PRKG1: variants seen among roughly 807,000 people sequenced by gnomAD.
PRKG1 encodes cGMP-dependent protein kinase 1.
A neutral mutation model predicts 88.1 loss-of-function variants in PRKG1; 35 were observed. The ratio of observed to expected loss-of-function variants is 0.40; its 90% CI spans 0.30 to 0.53. The LOEUF is 0.53. Ranked by LOEUF, PRKG1 falls within the 20% of genes least tolerant of loss-of-function variation. PRKG1 has a pLI of 0.59. For missense variants in PRKG1, 540 were observed against 839.8 expected (o/e 0.64, Z 4.41); for synonymous variants, 303 against 292.5 (o/e 1.04, Z -0.37).
chr10:51,238,616 A>C (rs1383453418), intron 2 of PRKG1, among the ~76,000 whole-genome samples: 1 of 148,776 alleles, frequency 6.7e-6, no homozygotes, highest in Non-Finnish European at 1.5e-5. Flanking sequence ...AGTCAAAATT[A>C]GCTGGGTGTG....
intron 2 of PRKG1, among the ~76,000 whole-genome samples, chr10:51,241,910 C>G (rs955626783): frequency 4.6e-5 from 7 of 151,874 alleles, no homozygotes; most frequent in South Asian, 2.1e-4. Context: ...TATTTAGAAC[C>G]CTGGATACCA....
At chr10:52,126,646 C>G (rs891381989) in intron 7 of PRKG1, among the ~76,000 whole-genome samples, 2 of 152,002 alleles carry the variant, frequency 1.3e-5, no homozygotes, top group African/African-American at 4.8e-5. Context: ...AAACACAGCT[C>G]TGTAGAAATA....
At chr10:51,763,082 G>T (rs1018821524) in intron 3 of PRKG1, among the ~76,000 whole-genome samples, 17 of 152,188 alleles carry the variant, frequency 1.1e-4, no homozygotes, top group Non-Finnish European at 2.1e-4. Flanking sequence ...TTAGGAAGAA[G>T]GTTATAATCT....
intron 3 of PRKG1, among the ~76,000 whole-genome samples, chr10:51,611,395 A>T (rs935034164): frequency 6.6e-6 from 1 of 151,804 alleles, no homozygotes; most frequent in Non-Finnish European, 1.5e-5. Context: ...GCATTTTTTC[A>T]TATGTCTGTT....
chr10:51,050,552 A>G (rs895999192), intron 1 of PRKG1, among the ~76,000 whole-genome samples: 4 of 152,116 alleles, frequency 2.6e-5, no homozygotes, highest in Admixed American at 6.5e-5. Flanking sequence ...TTCTTTACCC[A>G]TTCATCCATC....
At chr10:51,740,247 A>T (rs910335441) in intron 3 of PRKG1, among the ~76,000 whole-genome samples, 9 of 152,106 alleles carry the variant, frequency 5.9e-5, no homozygotes, top group Non-Finnish European at 1.0e-4. Context: ...GCTTGTCTCA[A>T]ATTCCTCCTG....
intron 1 of PRKG1, among the ~76,000 whole-genome samples, chr10:51,003,913 G>A (rs2132717488): frequency 6.6e-6 from 1 of 152,110 alleles, no homozygotes; most frequent in African/African-American, 2.4e-5. Flanking sequence ...TAATAGCTAT[G>A]GAATAGTAAT....
chr10:51,623,726 G>A (rs972436785), intron 3 of PRKG1, among the ~76,000 whole-genome samples: 1 of 152,114 alleles, frequency 6.6e-6, no homozygotes, highest in Non-Finnish European at 1.5e-5. Flanking sequence ...CTGGGAGTTG[G>A]TCTTGTCTAA....
At chr10:51,392,344 T>A (rs144226927) in intron 2 of PRKG1, among the ~76,000 whole-genome samples, 2 of 152,024 alleles carry the variant, frequency 1.3e-5, no homozygotes, top group East Asian at 3.9e-4. Context: ...TTAAGGAGCA[T>A]GCTGCCTTCA....
chr10:51,540,907 C>A (rs541236612), intron 3 of PRKG1, among the ~76,000 whole-genome samples: 1 of 151,994 alleles, frequency 6.6e-6, no homozygotes, highest in Non-Finnish European at 1.5e-5. Flanking sequence ...TTAGAAGAGA[C>A]GGGGTTTCAC....
intron 4 of PRKG1, among the ~76,000 whole-genome samples, chr10:51,879,720 C>T (rs1022240769): frequency 4.6e-5 from 7 of 152,210 alleles, no homozygotes; most frequent in Non-Finnish European, 7.3e-5. Flanking sequence ...CAGAGCTTAT[C>T]TTTCCTCCTG....
At chr10:51,684,692 C>G (rs1402792292) in intron 3 of PRKG1, among the ~76,000 whole-genome samples, 1 of 151,802 alleles carries the variant, frequency 6.6e-6, no homozygotes, top group African/African-American at 2.4e-5. Context: ...ATGGCAAAAC[C>G]CTGTCTCCAC....
chr10:51,979,426 T>TTTTTTTTTTTTTTTG lies in PRKG1; in HGVS notation c.762+71864_762+71865insTTTTTTGTTTTTTTT. ...TATTGGTCTGTTTTTTTTTTTTTTT[T>TTTTTTTTTTTTTTTG]TTTTTTTTCTGTTTTGTCTCTGCCA... On this transcript the variant is annotated intron_variant, in intron 5 of 17. Coordinates refer to ENST00000373980, the MANE Select transcript of PRKG1 (RefSeq NM_006258.4). Among the ~76,000 whole-genome samples the TTTTTTTTTTTTTTTG allele has an allele frequency of 2.2e-5, 3 of 139,320 alleles. 1 individual carries two copies. The highest frequency in any genetic ancestry group is 4.7e-5 in the Non-Finnish European group (3 of 64,350). The allele number at this position is 139,320 out of a possible 152,430, so 91.4% of individuals were successfully genotyped here.
intron 7 of PRKG1, among the ~76,000 whole-genome samples, chr10:52,124,910 T>C (rs1847896841): frequency 6.6e-6 from 1 of 152,132 alleles, no homozygotes; most frequent in Non-Finnish European, 1.5e-5. Flanking sequence ...CTCTACGTCT[T>C]GTCCCCTTGG....
intron 4 of PRKG1, among the ~76,000 whole-genome samples, chr10:51,809,153 G>A (rs1447361820): frequency 6.6e-6 from 1 of 151,904 alleles, no homozygotes; most frequent in Non-Finnish European, 1.5e-5. Context: ...CAGTCATGTG[G>A]TTTGGCCCCC....
intron 7 of PRKG1, among the ~76,000 whole-genome samples, chr10:52,083,432 A>G (rs1846830564): frequency 6.6e-6 from 1 of 152,126 alleles, no homozygotes; most frequent in Non-Finnish European, 1.5e-5. Flanking sequence ...AATGTACAAA[A>G]CAAAACATAA....
At chr10:52,030,728 A>G (rs1288557434) in intron 5 of PRKG1, among the ~76,000 whole-genome samples, 2 of 152,188 alleles carry the variant, frequency 1.3e-5, no homozygotes, top group Non-Finnish European at 2.9e-5. Context: ...AGCACAATCA[A>G]TCACTGATGT....
chr10:51,443,066 G>T (rs1448138174), intron 2 of PRKG1, among the ~76,000 whole-genome samples: 1 of 151,988 alleles, frequency 6.6e-6, no homozygotes, highest in African/African-American at 2.4e-5. Flanking sequence ...CTCTTGAAGG[G>T]GACATTGTTT....
At chr10:51,675,506 T>G (rs1300464589) in intron 3 of PRKG1, among the ~76,000 whole-genome samples, 1 of 152,162 alleles carries the variant, frequency 6.6e-6, no homozygotes, top group African/African-American at 2.4e-5. Context: ...TCAGGGTATT[T>G]GAGACACCGA....
Sources: gnomAD v4.1 joint callset for allele counts (sites outside exome capture counted in the v4.1 genomes callset) on GRCh38, gnomAD v4.1.1 for gene constraint, MANE v1.5 for transcripts, NCBI Gene and HGNC (gene_info 2026-07-23, HGNC 2026-07-21) for gene names.